Variants in ZC3H8 observed in about 807,000 individuals in gnomAD.
ZC3H8 encodes the protein zinc finger CCCH-type containing 8.
ZC3H8 carries 27 observed loss-of-function variants against 42.5 expected under a neutral mutation model. The observed-to-expected ratio is 0.64, with a 90% CI of 0.47 to 0.88. The LOEUF (loss-of-function observed/expected upper bound fraction) is 0.88, where lower values mean the gene tolerates loss of function less well. Ranked by LOEUF, ZC3H8 falls within the 40% of genes least tolerant of loss-of-function variation. The pLI is 0.00. For missense variants in ZC3H8, 277 were observed against 336.1 expected, an observed-to-expected ratio of 0.82 and a Z score of 1.37; for synonymous variants, 101 against 110.1, an observed-to-expected ratio of 0.92 and a Z score of 0.52.
chr2:112,230,827 C>T, intron 8 of ZC3H8, 76 bp downstream of exon 8: 1 of 908,262 alleles, frequency 1.1e-6, no homozygotes, highest in Non-Finnish European at 1.5e-6. Context: ...TATTTGAGAA[C>T]CCTATTGAGG....
rs3048247 is a variant in ZC3H8 at position 112,241,009 on chromosome 2, T to TTGTGTG, written c.157-2487_157-2482dup. ...TGCGCGTGTGTATGTGTGTTGTGTT[T>TTGTGTG]TGTGTGTGTGTGTGTGTGTGTATGG... On this transcript the variant is annotated intron_variant, in intron 2 of 8. Transcript: ENST00000409573. 6.7e-4 allele frequency among the ~76,000 whole-genome samples: 98 copies of TTGTGTG among 145,558 alleles called. 2 individuals are homozygous for TTGTGTG. The highest frequency in any genetic ancestry group is 2.2e-3 in the African/African-American group (88 of 39,406).
rs1456537078 is a variant in ZC3H8, at chr2:112,213,327, G to A, written c.*3157C>T. 1 of 151,898 alleles carries A rather than the reference G, an allele frequency of 6.6e-6. No individual in the cohort carries two copies. The highest frequency in any genetic ancestry group is 2.4e-5 in the African/African-American group (1 of 41,334). The allele number at this position is 151,898 out of a possible 1,614,324, so 9.4% of individuals were successfully genotyped here. ...TTATGCTTATAAGAAACTAGTCAGTGAACTAAGACAATTATGCTGAAACTC... is the reference window on the plus strand; with the variant it reads ...TTATGCTTATAAGAAACTAGTCAGTAAACTAAGACAATTATGCTGAAACTC... On this transcript the variant is annotated 3_prime_UTR_variant, in exon 9 of 9. Transcript: ENST00000409573.
At position 112,246,468 on chromosome 2, in the gene ZC3H8, A is replaced by ACGATATCAGGAGTTTG. The variant is rs371230915; in HGVS notation, c.156+3722_156+3723insCAAACTCCTGATATCG. Among the ~76,000 whole-genome samples the ACGATATCAGGAGTTTG allele has an allele frequency of 4.9e-4, 75 of 152,386 alleles. No individual in the cohort carries two copies. The East Asian group carries it at 7.3e-3, about 15-fold the overall frequency. On this transcript the variant is annotated intron_variant, in intron 2 of 8. Coordinates refer to ENST00000409573, the MANE Select transcript of ZC3H8 (RefSeq NM_032494.3). ...CATTCGTGATTCATGGCAGAAGGTC[A>ACGATATCAGGAGTTTG]AATATCAACAATAACAGGAGTTTGA...
chr2:112,248,660 T>A (rs1474395915), intron 2 of ZC3H8, among the ~76,000 whole-genome samples: 3 of 152,154 alleles, frequency 2.0e-5, no homozygotes, highest in Non-Finnish European at 4.4e-5. Flanking sequence ...TTGGCTAATT[T>A]TGTATTTTTA....
intron 8 of ZC3H8, among the ~76,000 whole-genome samples, chr2:112,226,983 G>A (rs776000720): frequency 2.0e-5 from 3 of 152,126 alleles, no homozygotes; most frequent in Non-Finnish European, 2.9e-5. Flanking sequence ...GAAATCATTT[G>A]ATAAAACCCA....
intron 3 of ZC3H8, among the ~76,000 whole-genome samples, chr2:112,237,324 T>C (rs551315135): frequency 2.0e-5 from 3 of 152,358 alleles, no homozygotes; most frequent in African/African-American, 7.2e-5. Context: ...CAGAGTATGA[T>C]GGATCTAATT....
intron 8 of ZC3H8, among the ~76,000 whole-genome samples, chr2:112,227,176 G>A (rs762060689): frequency 6.6e-6 from 1 of 152,214 alleles, no homozygotes; most frequent in Non-Finnish European, 1.5e-5. Flanking sequence ...TTGTATAGAA[G>A]GTTTCAGCCA....
Position 112,231,897 on chromosome 2 carries a change from C to T in ZC3H8, c.784G>A (p.Glu262Lys). ...YHTGTKCYQG[E>K]YCKFSHAPLT... ...GGAGCATGAGAAAACTTGCAGTATT[C>T]TCCCTGATAACATTTTGTTCCTGTA... The change falls in exon 7 of 9, where the codon GAA becomes AAA. Residue 262 changes from glutamate (E) to lysine (K), a missense_variant. Glu to Lys is a moderately conservative substitution (Grantham distance 56, BLOSUM62 1). Transcript: ENST00000409573. The T allele has an allele frequency of 1.3e-6, 2 of 1,589,984 alleles. No individual in the cohort carries two copies. Among genetic ancestry groups the T allele is most frequent in the Non-Finnish European group, 1.7e-6 (2 of 1,164,724 alleles).
chr2:112,238,157 G>C (rs1361252661), intron 3 of ZC3H8, among the ~76,000 whole-genome samples, 158 bp downstream of exon 3: 1 of 152,032 alleles, frequency 6.6e-6, no homozygotes, highest in African/African-American at 2.4e-5. Context: ...TCTCAGATGG[G>C]GTCTCTGGCC....
intron 2 of ZC3H8, among the ~76,000 whole-genome samples, chr2:112,245,530 C>T (rs554045097): frequency 2.0e-5 from 3 of 152,184 alleles, no homozygotes; most frequent in East Asian, 1.9e-4. Flanking sequence ...GGTGCACACC[C>T]GTAGTCCCAG....
chr2:112,234,176 C>A lies in ZC3H8; in HGVS notation c.565G>T (p.Val189Leu), dbSNP rs1464685146. The A allele has an allele frequency of 1.2e-6, 2 of 1,610,194 alleles. No individual in the cohort carries two copies. The highest frequency in any genetic ancestry group is 1.7e-6 in the Non-Finnish European group (2 of 1,178,572). ...CAAATTTGTTTTCCCTTGCGTTCCA[C>A]TGTATGTTGGTTGATGAATGCCTGA... The part of the protein sequence containing the change: ...LSQAFINQHT[V>L]ERKGKQICKY... The change falls in exon 5 of 9, where the codon GTG (valine) becomes TTG (leucine). Residue 189 changes from valine (V) to leucine (L), a missense_variant. Physicochemically the swap from Val to Leu is conservative, Grantham distance 32 (BLOSUM62 1). Transcript: ENST00000409573.
chr2:112,251,177 C>T (rs1309315198), intron 1 of ZC3H8, among the ~76,000 whole-genome samples: 1 of 152,230 alleles, frequency 6.6e-6, no homozygotes, highest in East Asian at 1.9e-4. Flanking sequence ...AGTTACACAC[C>T]AGATAAAGGC....
intron 8 of ZC3H8, among the ~76,000 whole-genome samples, chr2:112,222,983 A>AT (rs1684654389): frequency 6.6e-6 from 1 of 152,008 alleles, no homozygotes; most frequent in Admixed American, 6.6e-5. Context: ...ATCTATTCCT[A>AT]TTTTCTTTAG....
chr2:112,237,014 C>T (rs1444901908), intron 3 of ZC3H8, among the ~76,000 whole-genome samples: 4 of 152,284 alleles, frequency 2.6e-5, no homozygotes, highest in Non-Finnish European at 2.9e-5. Context: ...TGAGCTATGA[C>T]TGCACTGCTG....
intron 8 of ZC3H8, among the ~76,000 whole-genome samples, chr2:112,221,312 A>G (rs943495834): frequency 2.0e-5 from 3 of 152,076 alleles, no homozygotes; most frequent in African/African-American, 7.2e-5. Flanking sequence ...GTGAATGCTC[A>G]TAAGATATGG....
At chr2:112,220,496 T>C (rs1684534845) in intron 8 of ZC3H8, among the ~76,000 whole-genome samples, 1 of 152,084 alleles carries the variant, frequency 6.6e-6, no homozygotes, top group African/African-American at 2.4e-5. Context: ...GCTTGTAGGG[T>C]TGCTGCTGAT....
intron 2 of ZC3H8, among the ~76,000 whole-genome samples, chr2:112,241,013 G>A (rs1376021943): frequency 1.3e-5 from 2 of 151,020 alleles, no homozygotes; most frequent in Non-Finnish European, 3.0e-5. Context: ...TGTGTTTTGT[G>A]TGTGTGTGTG....
At chr2:112,230,390 T>C (rs1276720391) in intron 8 of ZC3H8, among the ~76,000 whole-genome samples, 1 of 152,204 alleles carries the variant, frequency 6.6e-6, no homozygotes, top group Non-Finnish European at 1.5e-5. Flanking sequence ...CCAAGAAGTA[T>C]GTATATGGAT....
rs1220654619 is a variant in ZC3H8 at position 112,211,651 on chromosome 2, CCTG to C, written c.*4830_*4832del. On this transcript the variant is annotated 3_prime_UTR_variant, in exon 9 of 9. Coordinates refer to ENST00000409573, the MANE Select transcript of ZC3H8 (RefSeq NM_032494.3). ...TTATGTACTGCTAAGAAAACAATAA[CCTG>C]CTAATTAAAATGAGTCTATCAATTG... The C allele has an allele frequency of 3.3e-5, 5 of 152,090 alleles. No homozygotes were observed. Among genetic ancestry groups the C allele is most frequent in the Non-Finnish European group, 5.9e-5 (4 of 68,026 alleles). 9.4% of individuals were successfully genotyped at this position (152,090 alleles called of 1,614,324 possible). A position where few individuals can be genotyped will look rare whatever the true frequency, so the allele number is the denominator to read the frequency against.
Sources: allele counts gnomAD v4.1 joint callset (sites outside exome capture counted in the v4.1 genomes callset), GRCh38; gene constraint gnomAD v4.1.1; transcripts MANE v1.5; gene names NCBI Gene and HGNC (gene_info 2026-07-23, HGNC 2026-07-21).